Variants in EPAS1 observed in about 807,000 individuals in gnomAD.
EPAS1 encodes the protein endothelial PAS domain protein 1, also known as endothelial PAS domain-containing protein 1.
In EPAS1, 23 loss-of-function variants were observed where a neutral mutation model predicts 87.9. That is an observed-to-expected ratio of 0.26 (90% CI 0.19 to 0.37). The LOEUF (loss-of-function observed/expected upper bound fraction) is 0.37. Among genes scored for constraint, EPAS1 ranks in the 10% least tolerant of loss-of-function variants. The probability of loss-of-function intolerance (pLI) is 1.00; values close to 1 mark genes in which losing one functional copy is unlikely to be tolerated. For missense variants in EPAS1, 1,138 were observed against 1,120.7 expected, an observed-to-expected ratio of 1.02 and a Z score of -0.22; for synonymous variants, 508 against 444.3, an observed-to-expected ratio of 1.14 and a Z score of -1.80.
intron 7 of EPAS1, among the ~76,000 whole-genome samples, chr2:46,373,184 A>G (rs73926273): frequency 0.07 from 10,654 of 152,272 alleles, 923 homozygotes; most frequent in African/African-American, 0.2. Context: ...GGTTTTGTTT[A>G]AAAGATTAGA....
chr2:46,373,830 G>A (rs914082186), intron 7 of EPAS1, among the ~76,000 whole-genome samples: 1 of 152,214 alleles, frequency 6.6e-6, no homozygotes, highest in African/African-American at 2.4e-5. Flanking sequence ...CTTAGACTAG[G>A]AATCTTTAAT....
At chr2:46,348,690 C>T (rs1262364482) in intron 2 of EPAS1, among the ~76,000 whole-genome samples, 1 of 152,200 alleles carries the variant, frequency 6.6e-6, no homozygotes, top group Non-Finnish European at 1.5e-5. Flanking sequence ...TTGAGTATCC[C>T]TTATCCGAAA....
intron 12 of EPAS1, chr2:46,381,086 C>A: frequency 2.7e-6 from 1 of 368,152 alleles, no homozygotes. Flanking sequence ...CCCTGCCTCC[C>A]CTTGCCTTTT....
rs1682979462 is a variant in EPAS1 at position 46,300,734 on chromosome 2, G to A, written c.26+2797G>A. Among the ~76,000 whole-genome samples, 1 of 152,200 alleles carries A rather than the reference G, an allele frequency of 6.6e-6. No homozygotes were observed. Among genetic ancestry groups the A allele is most frequent in the African/African-American group, 2.4e-5 (1 of 41,432 alleles). On this transcript the variant is annotated intron_variant, in intron 1 of 15. Transcript: ENST00000263734. The surrounding 1 kb of genome is among the most constrained non-coding windows in gnomAD (Gnocchi z 4.1). ...TGTAAATGAGATCCTTGGATAATCA[G>A]GGATCAAAGTCCAGTCCCAAAGCCA...
intron 1 of EPAS1, among the ~76,000 whole-genome samples, chr2:46,334,059 C>G (rs1426285890): frequency 6.6e-6 from 1 of 152,128 alleles, no homozygotes; most frequent in African/African-American, 2.4e-5. Context: ...TGTGGCAGCC[C>G]AGGAATTGCT....
At chr2:46,351,382 TC>T (rs1412704836) in intron 2 of EPAS1, among the ~76,000 whole-genome samples, 1 of 152,216 alleles carries the variant, frequency 6.6e-6, no homozygotes, top group Non-Finnish European at 1.5e-5. Context: ...TAGTGGACTT[TC>T]AGGACTCTCA....
rs183905660 is a variant in EPAS1 at position 46,352,708 on chromosome 2, A to G, written c.218-3443A>G. On this transcript the variant is annotated intron_variant, in intron 2 of 15. Coordinates refer to ENST00000263734, the MANE Select transcript of EPAS1 (RefSeq NM_001430.5). ...ACAAGCAGGTGCTGTGAGGGCAACT[A>G]GTTCCACAGAGGGAAGAGACCCTGT... Among the ~76,000 whole-genome samples the G allele has an allele frequency of 5.4e-4, 83 of 152,322 alleles. 1 individual carries two copies. The East Asian group carries it at 9.5e-3, about 17-fold the overall frequency.
chr2:46,362,695 C>T (rs1174437298), intron 6 of EPAS1, among the ~76,000 whole-genome samples: 1 of 152,166 alleles, frequency 6.6e-6, no homozygotes, highest in African/African-American at 2.4e-5. Context: ...TGATTCCAGA[C>T]CGGCCTGGTG....
intron 12 of EPAS1, chr2:46,381,092 C>T (rs532478670): frequency 6.9e-5 from 25 of 362,918 alleles, no homozygotes; most frequent in Admixed American, 2.9e-4. Context: ...CTCCCCTTGC[C>T]TTTTGGCTGC....
At chr2:46,325,766 T>A (rs1425058593) in intron 1 of EPAS1, among the ~76,000 whole-genome samples, 1 of 152,176 alleles carries the variant, frequency 6.6e-6, no homozygotes, top group South Asian at 2.1e-4. Context: ...ATAAAAAATT[T>A]GGCGAAAAAC....
intron 7 of EPAS1, among the ~76,000 whole-genome samples, chr2:46,373,680 T>C (rs1272112127): frequency 6.6e-6 from 1 of 152,040 alleles, no homozygotes; most frequent in African/African-American, 2.4e-5. Context: ...GTGGGGGCGG[T>C]GATGGAAAAG....
In EPAS1 at chr2:46,346,337, A is replaced by G. The variant is rs758053199; in HGVS notation, c.27-536A>G. Among the ~76,000 whole-genome samples, 2 of 152,196 alleles carry G rather than the reference A, an allele frequency of 1.3e-5. No homozygotes were observed. The highest frequency in any genetic ancestry group is 2.4e-5 in the African/African-American group (1 of 41,448). The stretch of plus-strand genomic sequence containing the variant: ...GTTCTGGGGCTGTAATGGCATTTTC[A>G]GTTTTTACTGTGGAAATCACTTTCT... On this transcript the variant is annotated intron_variant, in intron 1 of 15. Coordinates refer to ENST00000263734, the MANE Select transcript of EPAS1 (RefSeq NM_001430.5). The surrounding 1 kb of genome is among the most constrained non-coding windows in gnomAD (Gnocchi z 4.0).
Position 46,381,669 on chromosome 2 carries a change from A to G in EPAS1, c.2119A>G (p.Lys707Glu). ...PAMVALSNKL[K>E]LKRQLEYEEQ... ...CATGGTAGCCCTCTCCAACAAGCTG[A>G]AGCTGAAGCGACAGCTGGAGTATGA... Residue 707 changes from lysine to glutamate, a missense_variant, in exon 13 of 16, where the codon AAG becomes GAG. Transcript: ENST00000263734. 1 of 1,614,012 alleles carries G rather than the reference A, an allele frequency of 6.2e-7. No homozygotes were observed. The highest frequency in any genetic ancestry group is 8.5e-7 in the Non-Finnish European group (1 of 1,180,022).
intron 1 of EPAS1, among the ~76,000 whole-genome samples, chr2:46,320,730 G>A (rs539478743): frequency 5.9e-5 from 9 of 152,300 alleles, no homozygotes; most frequent in Admixed American, 1.3e-4. Flanking sequence ...TTTAAGCAGG[G>A]AGAGGTTTTG....
intron 6 of EPAS1, among the ~76,000 whole-genome samples, chr2:46,366,949 G>A (rs1451571204): frequency 2.0e-5 from 3 of 152,374 alleles, no homozygotes; most frequent in Admixed American, 6.5e-5. Context: ...GGGTTTCCTG[G>A]CTTTGTGAAG....
intron 1 of EPAS1, among the ~76,000 whole-genome samples, chr2:46,327,874 C>T (rs928578256): frequency 6.6e-6 from 1 of 152,224 alleles, no homozygotes; most frequent in African/African-American, 2.4e-5. Flanking sequence ...CAGAGCCCTC[C>T]TGCCAAGTCT....
intron 1 of EPAS1, among the ~76,000 whole-genome samples, chr2:46,313,755 A>G (rs948071017): frequency 1.3e-5 from 2 of 152,122 alleles, no homozygotes; most frequent in Non-Finnish European, 2.9e-5. Flanking sequence ...CCAGCCCCAC[A>G]TGTCATAATT....
chr2:46,309,522 G>C (rs1683171911), intron 1 of EPAS1, among the ~76,000 whole-genome samples: 1 of 152,192 alleles, frequency 6.6e-6, no homozygotes, highest in African/African-American at 2.4e-5. Context: ...TGTGTGTTGG[G>C]AATAGTTAGG....
chr2:46,366,163 G>A (rs887632680), intron 6 of EPAS1, among the ~76,000 whole-genome samples: 6 of 152,236 alleles, frequency 3.9e-5, no homozygotes, highest in African/African-American at 1.2e-4. Flanking sequence ...GATTACATGC[G>A]GGGAAGAAGA....
Sources: gnomAD v4.1 joint callset for allele counts (sites outside exome capture counted in the v4.1 genomes callset) on GRCh38, gnomAD v4.1.1 for gene constraint, Gnocchi (gnomAD v3.1) non-coding constraint, MANE v1.5 for transcripts, NCBI Gene and HGNC (gene_info 2026-07-23, HGNC 2026-07-21) for gene names.